The following FRMD6 variants were observed in gnomAD, a reference collection of about 807,000 sequenced individuals.
FRMD6 encodes FERM domain-containing protein 6.
A neutral mutation model predicts 73.2 loss-of-function variants in FRMD6; 37 were observed. The observed-to-expected ratio is 0.51, with a 90% CI of 0.39 to 0.66. FRMD6 has a LOEUF of 0.66. Among genes scored for constraint, FRMD6 ranks in the 30% least tolerant of loss-of-function variants. FRMD6 has a pLI of 0.00. For synonymous variants in FRMD6, 273 were observed against 282.2 expected (o/e 0.97, Z 0.33); for missense variants, 714 against 780.5 (o/e 0.91, Z 1.02).
the FRMD6 span, among the ~76,000 whole-genome samples, chr14:51,441,127 G>T: frequency 6.6e-6 from 1 of 152,226 alleles, no homozygotes; most frequent in Non-Finnish European, 1.5e-5. Flanking sequence ...TGGAGTCACT[G>T]CTATAAACCC....
chr14:51,472,863 G>A, the FRMD6 span, among the ~76,000 whole-genome samples: 1 of 152,178 alleles, frequency 6.6e-6, no homozygotes. Flanking sequence ...TAATCCCCAA[G>A]GCTGTGCTTT....
At chr14:51,719,773 C>G (rs1324077597) in intron 10 of FRMD6, among the ~76,000 whole-genome samples, 1 of 152,192 alleles carries the variant, frequency 6.6e-6, no homozygotes, top group Non-Finnish European at 1.5e-5. Context: ...AATAAATTTG[C>G]AGACAAGAAG....
chr14:51,519,751 T>C (rs1274431040), intron 1 of FRMD6, among the ~76,000 whole-genome samples: 4 of 152,168 alleles, frequency 2.6e-5, no homozygotes, highest in African/African-American at 9.7e-5. Flanking sequence ...GGAAGGGTAT[T>C]GGAGAGATAA....
intron 1 of FRMD6, among the ~76,000 whole-genome samples, chr14:51,509,976 T>G (rs1884203795): frequency 6.6e-6 from 1 of 152,190 alleles, no homozygotes; most frequent in African/African-American, 2.4e-5. Context: ...ATGGAGGCGG[T>G]CCAAGATTAT....
chr14:51,610,487 CA>C (rs1211996183), intron 2 of FRMD6, among the ~76,000 whole-genome samples: 1 of 151,842 alleles, frequency 6.6e-6, no homozygotes, highest in African/African-American at 2.4e-5. Context: ...TAAATAAAAA[CA>C]AATATTAGAA....
At chr14:51,631,055 C>G (rs1448408098) in intron 2 of FRMD6, among the ~76,000 whole-genome samples, 1 of 152,112 alleles carries the variant, frequency 6.6e-6, no homozygotes, top group Non-Finnish European at 1.5e-5. Flanking sequence ...AAGGATTGCT[C>G]ATTCTGAGTA....
At chr14:51,486,030 T>TC (rs1555369114), upstream of FRMD6, among the ~76,000 whole-genome samples, 1 of 150,630 alleles carries the variant, frequency 6.6e-6, no homozygotes, top group African/African-American at 2.4e-5. Context: ...TCCTTTTCTT[T>TC]TTTTTTTTTT....
chr14:51,565,748 G>T (rs536699637), intron 1 of FRMD6, among the ~76,000 whole-genome samples: 6 of 152,130 alleles, frequency 3.9e-5, no homozygotes, highest in Non-Finnish European at 8.8e-5. Flanking sequence ...TCTAGAGGTG[G>T]CGAGGCCTTA....
At chr14:51,496,909 T>A in intron 1 of FRMD6, among the ~76,000 whole-genome samples, 1 of 152,234 alleles carries the variant, frequency 6.6e-6, no homozygotes, top group South Asian at 2.1e-4. Context: ...ATTTCTCACA[T>A]GTAATTTCTC....
the FRMD6 span, among the ~76,000 whole-genome samples, chr14:51,412,027 T>C: frequency 6.6e-6 from 1 of 152,212 alleles, no homozygotes; most frequent in African/African-American, 2.4e-5. Flanking sequence ...AAGTAGTCTG[T>C]TAAAGTCTTC....
At chr14:51,409,517 A>T in the FRMD6 span, among the ~76,000 whole-genome samples, 1 of 152,144 alleles carries the variant, frequency 6.6e-6, no homozygotes, top group African/African-American at 2.4e-5. Context: ...TTACTCCTCT[A>T]ACTTCAGGCT....
At chr14:51,522,096 T>A (rs970803523) in intron 1 of FRMD6, among the ~76,000 whole-genome samples, 4 of 152,148 alleles carry the variant, frequency 2.6e-5, no homozygotes, top group African/African-American at 9.7e-5. Flanking sequence ...AAACATAAAG[T>A]GAAAAGATAG....
chr14:51,475,132 C>G, the FRMD6 span, among the ~76,000 whole-genome samples: 1 of 152,170 alleles, frequency 6.6e-6, no homozygotes, highest in Non-Finnish European at 1.5e-5. Flanking sequence ...TAGATGGTGT[C>G]AGAATACACA....
intron 2 of FRMD6, among the ~76,000 whole-genome samples, chr14:51,584,441 C>T (rs1888904517): frequency 6.6e-6 from 1 of 152,170 alleles, no homozygotes; most frequent in South Asian, 2.1e-4. Flanking sequence ...AGCTAAGTTG[C>T]CTCCAAGCTG....
At chr14:51,423,002 T>C in the FRMD6 span, among the ~76,000 whole-genome samples, 1 of 152,222 alleles carries the variant, frequency 6.6e-6, no homozygotes, top group African/African-American at 2.4e-5. Flanking sequence ...ATCTTTCCTT[T>C]TCCACCACCA....
chr14:51,545,564 A>C (rs978674936), intron 1 of FRMD6, among the ~76,000 whole-genome samples: 2 of 152,092 alleles, frequency 1.3e-5, no homozygotes, highest in Admixed American at 1.3e-4. Context: ...AAATGAGTCA[A>C]CTGTCAATCT....
intron 1 of FRMD6, among the ~76,000 whole-genome samples, chr14:51,665,194 T>C (rs1198034364): frequency 6.6e-6 from 1 of 152,192 alleles, no homozygotes; most frequent in African/African-American, 2.4e-5. Context: ...TCTTGAAAAA[T>C]TTGAAGGCCT....
intron 1 of FRMD6, among the ~76,000 whole-genome samples, chr14:51,554,233 T>C (rs1886996259): frequency 6.6e-6 from 1 of 152,124 alleles, no homozygotes; most frequent in African/African-American, 2.4e-5. Flanking sequence ...TATCTCAAAA[T>C]ACAAAATAAA....
Position 51,494,507 on chromosome 14 carries a change from G to A in FRMD6, c.-210+5087G>A, listed in dbSNP as rs571757541. On this transcript the variant is annotated intron_variant, in intron 1 of 14. Coordinates refer to the FRMD6 transcript ENST00000356218. The stretch of plus-strand genomic sequence containing the variant: ...TGCCCTCCAGGCACACTGGGGCAGA[G>A]ACTCTGCCTTCTGGATCCACTGGAG... 2.6e-5 allele frequency among the ~76,000 whole-genome samples: 4 copies of A among 152,360 alleles called. No individual in the cohort carries two copies. The East Asian group carries it at 7.7e-4, about 29-fold the overall frequency.
Sources: allele counts gnomAD v4.1 joint callset (sites outside exome capture counted in the v4.1 genomes callset), GRCh38; gene constraint gnomAD v4.1.1; transcripts MANE v1.5; gene names NCBI Gene and HGNC (gene_info 2026-07-23, HGNC 2026-07-21).